The following CCDC33 variants were observed in gnomAD, a reference collection of about 807,000 sequenced individuals.
CCDC33 encodes the protein coiled-coil domain containing 33.
In CCDC33, 94 loss-of-function variants were observed where a neutral mutation model predicts 91.9. The ratio of observed to expected loss-of-function variants is 1.02; its 90% CI spans 0.87 to 1.21. CCDC33 has a LOEUF of 1.21. Among genes scored for constraint, CCDC33 ranks in the 50% most tolerant of loss-of-function variants. The pLI is 0.00. For synonymous variants in CCDC33, 396 were observed against 374.5 expected, an observed-to-expected ratio of 1.06 and a Z score of -0.66; for missense variants, 940 against 935.5, an observed-to-expected ratio of 1.00 and a Z score of -0.06.
chr15:74,223,986 A>T (rs1171720424), intron 2 of CCDC33, among the ~76,000 whole-genome samples: 1 of 151,458 alleles, frequency 6.6e-6, no homozygotes, highest in Non-Finnish European at 1.5e-5. Context: ...GCTTAAACAC[A>T]CTCTGCCCCA....
chr15:74,224,980 C>G (rs1046445722), intron 2 of CCDC33, among the ~76,000 whole-genome samples: 1 of 152,134 alleles, frequency 6.6e-6, no homozygotes, highest in Non-Finnish European at 1.5e-5. Flanking sequence ...GCCAGCCCAG[C>G]CTGGGTGCTA....
intron 1 of CCDC33, among the ~76,000 whole-genome samples, chr15:74,239,639 G>A (rs2142243617): frequency 6.6e-6 from 1 of 152,292 alleles, no homozygotes; most frequent in South Asian, 2.1e-4. Context: ...CAGGTAAACT[G>A]GCCAAACCCC....
chr15:74,265,862 A>G (rs546365920), intron 3 of CCDC33, among the ~76,000 whole-genome samples: 1 of 152,280 alleles, frequency 6.6e-6, no homozygotes, highest in South Asian at 2.1e-4. Flanking sequence ...TGTCTCTACT[A>G]AAAATACAAA....
intron 1 of CCDC33, among the ~76,000 whole-genome samples, chr15:74,204,272 T>C (rs1189981112): frequency 6.6e-6 from 1 of 152,154 alleles, no homozygotes; most frequent in Non-Finnish European, 1.5e-5. Context: ...ACTCTATCCC[T>C]CCCACCCCTC....
chr15:74,252,767 C>T (rs2142320681), intron 2 of CCDC33, among the ~76,000 whole-genome samples: 1 of 152,288 alleles, frequency 6.6e-6, no homozygotes, highest in East Asian at 1.9e-4. Context: ...GGCCTGGGAA[C>T]CAGGGTCTTC....
intron 3 of CCDC33, among the ~76,000 whole-genome samples, chr15:74,263,025 C>T (rs2076069165): frequency 6.6e-6 from 1 of 152,186 alleles, no homozygotes; most frequent in African/African-American, 2.4e-5. Flanking sequence ...CTCAGCATTG[C>T]ATGTTCTTAC....
chr15:74,213,720 C>T (rs1478293991), upstream of CCDC33, among the ~76,000 whole-genome samples: 1 of 152,196 alleles, frequency 6.6e-6, no homozygotes, highest in Non-Finnish European at 1.5e-5. Context: ...GCCTGTGATC[C>T]TGTTGCCCTG....
chr15:74,221,986 G>C (rs1018079132), intron 2 of CCDC33, among the ~76,000 whole-genome samples: 5 of 152,142 alleles, frequency 3.3e-5, no homozygotes, highest in Non-Finnish European at 5.9e-5. Context: ...TGGCCTGTTC[G>C]GTGCTGGACA....
chr15:74,214,424 C>A (rs1365375868), upstream of CCDC33, among the ~76,000 whole-genome samples: 1 of 152,158 alleles, frequency 6.6e-6, no homozygotes, highest in African/African-American at 2.4e-5. Flanking sequence ...GGCCCTGCCC[C>A]CCAGAGACAG....
At chr15:74,251,128 G>A (rs927751969) in intron 2 of CCDC33, among the ~76,000 whole-genome samples, 2 of 152,236 alleles carry the variant, frequency 1.3e-5, no homozygotes, top group African/African-American at 4.8e-5. Flanking sequence ...TGGCCTGCAT[G>A]CTGCTGCAGG....
intron 1 of CCDC33, among the ~76,000 whole-genome samples, chr15:74,242,861 C>A (rs982017979): frequency 6.6e-6 from 1 of 152,174 alleles, no homozygotes; most frequent in Non-Finnish European, 1.5e-5. Context: ...AACTGAGCCA[C>A]CTCTGGGCCT....
In CCDC33 at chr15:74,333,863, T is replaced by C. The variant is rs746749615; in HGVS notation, c.1939-18T>C. 22 of 1,607,704 alleles carry C rather than the reference T, an allele frequency of 1.4e-5. No homozygotes were observed. The highest frequency in any genetic ancestry group is 1.8e-5 in the Non-Finnish European group (21 of 1,174,972). The stretch of plus-strand genomic sequence containing the variant: ...GCCTCCAGCTGGGGCCAAATGTGAG[T>C]TTGTGCTTTGCCCACAGGATCTCCT... On this transcript the variant is annotated intron_variant, in intron 16 of 18. Coordinates refer to ENST00000398814, the MANE Select transcript of CCDC33 (RefSeq NM_025055.5).
chr15:74,252,153 T>A (rs1421406637), intron 2 of CCDC33, among the ~76,000 whole-genome samples: 2 of 152,216 alleles, frequency 1.3e-5, no homozygotes, highest in Admixed American at 1.3e-4. Flanking sequence ...TGATATTTCA[T>A]GCCGTGGTTA....
intron 2 of CCDC33, among the ~76,000 whole-genome samples, chr15:74,258,004 T>C (rs2075918483): frequency 1.3e-5 from 2 of 152,154 alleles, no homozygotes; most frequent in Admixed American, 1.3e-4. Flanking sequence ...TTGAGGAGAA[T>C]TGCCCTACCT....
Position 74,236,628 on chromosome 15 carries a change from T to C in CCDC33, c.-92T>C. 1 of 1,229,526 alleles carries C rather than the reference T, an allele frequency of 8.1e-7. No individual in the cohort carries two copies. Among genetic ancestry groups the C allele is most frequent in the Non-Finnish European group, 1.2e-6 (1 of 847,370 alleles). The allele number at this position is 1,229,526 out of a possible 1,614,324, so 76.2% of individuals were successfully genotyped here. On this transcript the variant is annotated 5_prime_UTR_variant, in exon 1 of 19. Coordinates refer to ENST00000398814, the MANE Select transcript of CCDC33 (RefSeq NM_025055.5). ...GACTCCAAGACGCCCAGGCCAGCTG[T>C]CTGGGCAGGACTGATTCCTGATCAC...
At chr15:74,282,377 A>G (rs1412909158) in intron 10 of CCDC33, among the ~76,000 whole-genome samples, 2 of 152,150 alleles carry the variant, frequency 1.3e-5, no homozygotes, top group Non-Finnish European at 2.9e-5. Flanking sequence ...GCAGGCTGTC[A>G]GCCGGGGCAG....
chr15:74,253,586 G>C (rs1022838953), intron 2 of CCDC33, among the ~76,000 whole-genome samples: 1 of 152,134 alleles, frequency 6.6e-6, no homozygotes, highest in Non-Finnish European at 1.5e-5. Context: ...GTGAGATACT[G>C]AACACCATTA....
intron 9 of CCDC33, among the ~76,000 whole-genome samples, chr15:74,281,409 A>G (rs2059360713): frequency 1.3e-5 from 2 of 152,276 alleles, no homozygotes; most frequent in Non-Finnish European, 2.9e-5. Flanking sequence ...TTCATGAGAA[A>G]ACCCATGGAA....
intron 3 of CCDC33, among the ~76,000 whole-genome samples, chr15:74,263,459 C>T (rs1373322751): frequency 2.6e-5 from 4 of 152,180 alleles, no homozygotes; most frequent in Non-Finnish European, 5.9e-5. Flanking sequence ...GTTCTCCTCA[C>T]ACAGAGCAGA....
Sources: gnomAD v4.1 joint callset for allele counts (sites outside exome capture counted in the v4.1 genomes callset) on GRCh38, gnomAD v4.1.1 for gene constraint, MANE v1.5 for transcripts, NCBI Gene and HGNC (gene_info 2026-07-23, HGNC 2026-07-21) for gene names.